The following PPP1CB variants were observed in gnomAD, a reference collection of about 807,000 sequenced individuals.
The protein encoded by PPP1CB is protein phosphatase 1 catalytic subunit beta.
Under a neutral mutation model 43.7 loss-of-function variants are expected in PPP1CB, and 2 were observed. The observed-to-expected ratio is 0.05, with a 90% CI of 0.02 to 0.14. The LOEUF (loss-of-function observed/expected upper bound fraction) is 0.14. Among genes scored for constraint, PPP1CB ranks in the 10% least tolerant of loss-of-function variants. The pLI is 1.00. For synonymous variants in PPP1CB, 136 were observed against 135.6 expected (o/e 1.00, Z -0.02); for missense variants, 84 against 398.0 (o/e 0.21, Z 6.71).
chr2:28,776,329 C>T (rs1667042940), intron 1 of PPP1CB, among the ~76,000 whole-genome samples: 2 of 151,896 alleles, frequency 1.3e-5, no homozygotes, highest in South Asian at 4.2e-4. Context: ...ATGGGGCGAT[C>T]TCAGCTCACT....
intron 7 of PPP1CB, among the ~76,000 whole-genome samples, chr2:28,796,488 G>A (rs1667499910): frequency 6.6e-6 from 1 of 151,948 alleles, no homozygotes. Flanking sequence ...TGTAGTTGTA[G>A]AGATCTTTCA....
At chr2:28,763,405 T>C (rs1210890785) in intron 1 of PPP1CB, among the ~76,000 whole-genome samples, 1 of 152,094 alleles carries the variant, frequency 6.6e-6, no homozygotes, top group East Asian at 1.9e-4. Flanking sequence ...TTAACAGTTT[T>C]ACCCATCCTT....
chr2:28,757,642 G>T (rs1417612768), intron 1 of PPP1CB, among the ~76,000 whole-genome samples: 1 of 152,178 alleles, frequency 6.6e-6, no homozygotes, highest in African/African-American at 2.4e-5. Flanking sequence ...GAGATCACCC[G>T]AGGAATATTT....
intron 3 of PPP1CB, among the ~76,000 whole-genome samples, chr2:28,779,987 T>A (rs1667121379): frequency 6.6e-6 from 1 of 152,230 alleles, no homozygotes; most frequent in South Asian, 2.1e-4. Context: ...TCAGCCTAGC[T>A]GGGACTGTAT....
At position 28,801,970 on chromosome 2, in the gene PPP1CB, T is replaced by C. The variant is rs1248071132; in HGVS notation, c.*2667T>C. On this transcript the variant is annotated 3_prime_UTR_variant, in exon 8 of 8. Coordinates refer to ENST00000395366, the MANE Select transcript of PPP1CB (RefSeq NM_002709.3). ...GTGCAAAGCGTTGAGTCATCAGGTA[T>C]TTAGAGCCTAGCCAGCTACCCAGTA... is the stretch of plus-strand genomic sequence containing the variant. 6.6e-6 allele frequency: 1 copy of C among 152,192 alleles called. No individual in the cohort carries two copies. The highest frequency in any genetic ancestry group is 1.5e-5 in the Non-Finnish European group (1 of 68,030). The allele number at this position is 152,192 out of a possible 1,614,324, so 9.4% of individuals were successfully genotyped here.
rs1452080946 is a variant in PPP1CB, at chr2:28,784,937, AAAAAG to A, written c.592+963_592+967del. 1.2e-4 allele frequency among the ~76,000 whole-genome samples: 15 copies of A among 120,828 alleles called. No homozygotes were observed. The Admixed American group carries it at 1.4e-3, about 11-fold the overall frequency. 79.3% of individuals were successfully genotyped at this position (120,828 alleles called of 152,430 possible). A position where few individuals can be genotyped will look rare whatever the true frequency, so the allele number is the denominator to read the frequency against. On this transcript the variant is annotated intron_variant, in intron 5 of 7. Coordinates refer to ENST00000395366, the MANE Select transcript of PPP1CB (RefSeq NM_002709.3). ...TGTCTCAAAAAAAAAAAAAAAAAGA[AAAAAG>A]AAACAACAATCACCACAAAAAATGC...
chr2:28,781,295 A>G (rs527774352), intron 3 of PPP1CB, among the ~76,000 whole-genome samples: 15 of 152,286 alleles, frequency 9.8e-5, no homozygotes, highest in East Asian at 9.6e-4. Flanking sequence ...CAGAATGGTT[A>G]AATCCCGCTG....
At chr2:28,799,089 T>C (rs956208231) in intron 7 of PPP1CB, 110 bp from the exon 8 acceptor site, 1 of 709,354 alleles carries the variant, frequency 1.4e-6, no homozygotes, top group Non-Finnish European at 2.4e-6. Flanking sequence ...ATTCTACATT[T>C]TTATTGCATT....
chr2:28,765,655 G>A (rs1666764032), intron 1 of PPP1CB, among the ~76,000 whole-genome samples: 1 of 152,206 alleles, frequency 6.6e-6, no homozygotes, highest in East Asian at 1.9e-4. Flanking sequence ...GGTGGCTCGC[G>A]CCTTTAATCC....
chr2:28,782,385 G>C (rs1475329031), intron 4 of PPP1CB: 1 of 156,588 alleles, frequency 6.4e-6, no homozygotes, highest in African/African-American at 2.4e-5. Flanking sequence ...CTAGCTAGTA[G>C]ATAGTGTATG....
chr2:28,778,698 A>G (rs1404510985), intron 2 of PPP1CB, 111 bp from the exon 3 acceptor site: 2 of 667,244 alleles, frequency 3.0e-6, no homozygotes, highest in Admixed American at 5.4e-5. Flanking sequence ...AATATAGCCC[A>G]TACTCAAGGG....
chr2:28,790,647 A>G (rs553782255), intron 6 of PPP1CB, among the ~76,000 whole-genome samples: 26 of 152,200 alleles, frequency 1.7e-4, no homozygotes, highest in African/African-American at 4.6e-4. Flanking sequence ...GCCGGTATCA[A>G]TTATTTTAGC....
At chr2:28,789,929 A>G (rs1667351500) in intron 6 of PPP1CB, among the ~76,000 whole-genome samples, 1 of 152,062 alleles carries the variant, frequency 6.6e-6, no homozygotes, top group Non-Finnish European at 1.5e-5. Flanking sequence ...TTTGTGCATA[A>G]TGGCGATTTT....
At chr2:28,754,958 C>G in intron 1 of PPP1CB, among the ~76,000 whole-genome samples, 1 of 152,200 alleles carries the variant, frequency 6.6e-6, no homozygotes, top group East Asian at 1.9e-4. Context: ...TATTAAATCG[C>G]AGATCAGCTA....
intron 1 of PPP1CB, among the ~76,000 whole-genome samples, chr2:28,773,718 T>C (rs1272227371): frequency 6.6e-6 from 1 of 152,214 alleles, no homozygotes; most frequent in East Asian, 1.9e-4. Flanking sequence ...GACTTTTGAA[T>C]TGGAAGACAG....
chr2:28,787,446 G>T (rs1298761143), intron 5 of PPP1CB, among the ~76,000 whole-genome samples: 1 of 152,280 alleles, frequency 6.6e-6, no homozygotes, highest in African/African-American at 2.4e-5. Flanking sequence ...GCAACAGAGC[G>T]AGACTCCGTC....
chr2:28,778,770 G>A (rs751159532), intron 2 of PPP1CB, 39 bp from the exon 3 acceptor site: 7 of 1,356,794 alleles, frequency 5.2e-6, no homozygotes, highest in Admixed American at 1.7e-5. Context: ...GCTTATAACA[G>A]TAACCAATTT....
At chr2:28,754,378 T>C (rs4233727) in intron 1 of PPP1CB, among the ~76,000 whole-genome samples, 96,021 of 147,068 alleles carry the variant, frequency 0.65, 31,720 homozygotes, top group South Asian at 0.73. Flanking sequence ...GTAGTCCAGA[T>C]ACGTTTCTCT....
At chr2:28,798,427 A>T (rs1352795753) in intron 7 of PPP1CB, among the ~76,000 whole-genome samples, 1 of 152,138 alleles carries the variant, frequency 6.6e-6, no homozygotes, top group Non-Finnish European at 1.5e-5. Flanking sequence ...ATAGCCGAAA[A>T]AGTCACACAA....
Sources: gnomAD v4.1 joint callset for allele counts (sites outside exome capture counted in the v4.1 genomes callset) on GRCh38, gnomAD v4.1.1 for gene constraint, MANE v1.5 for transcripts, NCBI Gene and HGNC (gene_info 2026-07-23, HGNC 2026-07-21) for gene names.